Variants in OSBPL10 observed in about 807,000 individuals in gnomAD.
OSBPL10 encodes the protein oxysterol-binding protein-related protein 10.
In OSBPL10, 49 loss-of-function variants were observed where a neutral mutation model predicts 81.7. The ratio of observed to expected loss-of-function variants is 0.60; its 90% confidence interval spans 0.48 to 0.76. The LOEUF is 0.76. Ranked by LOEUF, OSBPL10 falls within the 30% of genes least tolerant of loss-of-function variation. The pLI is 0.00. For missense variants in OSBPL10, 923 were observed against 987.8 expected, an observed-to-expected ratio of 0.93 and a Z score of 0.88; for synonymous variants, 419 against 383.6, an observed-to-expected ratio of 1.09 and a Z score of -1.08.
Position 31,923,656 on chromosome 3 carries a change from G to T in OSBPL10, c.282-43826C>A, listed in dbSNP as rs116615452. On this transcript the variant is annotated intron_variant, in intron 1 of 11. Coordinates refer to ENST00000396556, the MANE Select transcript of OSBPL10 (RefSeq NM_017784.5). ...AATTTTTAAAAATAGCTGATTTGGT[G>T]CACACCTGTAGTCCTACCTACTCAG... Among the ~76,000 whole-genome samples the T allele has an allele frequency of 2.7e-3, 418 of 152,212 alleles. 5 individuals are homozygous for T. The highest frequency in any genetic ancestry group is 9.6e-3 in the African/African-American group (397 of 41,526).
chr3:31,929,311 G>A (rs1276022335), intron 1 of OSBPL10, among the ~76,000 whole-genome samples: 2 of 152,102 alleles, frequency 1.3e-5, no homozygotes, highest in Non-Finnish European at 2.9e-5. Flanking sequence ...CATGGATCTG[G>A]AGATTCCCGT....
At chr3:32,012,887 A>G (rs1346813583) in intron 2 of OSBPL10, among the ~76,000 whole-genome samples, 2 of 152,226 alleles carry the variant, frequency 1.3e-5, no homozygotes, top group Non-Finnish European at 2.9e-5. Flanking sequence ...CAACAAGAAG[A>G]GCTAACTATC....
chr3:31,815,297 C>T (rs1338746487), intron 4 of OSBPL10, among the ~76,000 whole-genome samples: 2 of 152,156 alleles, frequency 1.3e-5, no homozygotes, highest in East Asian at 1.9e-4. Context: ...TCCTGCCACA[C>T]CCAGACCAAA....
At chr3:31,670,295 C>A (rs910756332) in intron 9 of OSBPL10, among the ~76,000 whole-genome samples, 1 of 152,204 alleles carries the variant, frequency 6.6e-6, no homozygotes, top group Non-Finnish European at 1.5e-5. Context: ...ATAGCTGCAG[C>A]AATAAAAACA....
rs901488523 is a variant in OSBPL10, at chr3:31,838,374, G to A, written c.538-8143C>T. ...GAATACAAAAAAATTAGCCGGGCGT[G>A]GTGGCGGCAGCCTGTAGTCCCAGCT... On this transcript the variant is annotated intron_variant, in intron 3 of 11. Coordinates refer to ENST00000396556, the MANE Select transcript of OSBPL10 (RefSeq NM_017784.5). Among the ~76,000 whole-genome samples, 34 of 152,054 alleles carry A rather than the reference G, an allele frequency of 2.2e-4. 1 individual carries two copies. Among genetic ancestry groups the A allele is most frequent in the Admixed American group, 1.3e-4 (2 of 15,256 alleles).
intron 2 of OSBPL10, among the ~76,000 whole-genome samples, chr3:32,015,892 A>G (rs1042719834): frequency 6.6e-6 from 1 of 152,246 alleles, no homozygotes; most frequent in Non-Finnish European, 1.5e-5. Flanking sequence ...CAAAACCACA[A>G]TGAGATACCA....
At chr3:31,827,768 T>C (rs1365879443) in intron 4 of OSBPL10, among the ~76,000 whole-genome samples, 1 of 152,184 alleles carries the variant, frequency 6.6e-6, no homozygotes, top group Non-Finnish European at 1.5e-5. Context: ...GGAGGTACAA[T>C]TGTAGGTAAT....
intron 4 of OSBPL10, among the ~76,000 whole-genome samples, chr3:31,750,097 G>A (rs759522860): frequency 3.3e-5 from 5 of 151,948 alleles, no homozygotes; most frequent in Non-Finnish European, 5.9e-5. Flanking sequence ...TAGGAGAATC[G>A]CTTTAACCCA....
chr3:31,934,288 T>TA (rs1353018417), intron 1 of OSBPL10, among the ~76,000 whole-genome samples: 1 of 150,986 alleles, frequency 6.6e-6, no homozygotes, highest in Non-Finnish European at 1.5e-5. Flanking sequence ...CTGGCCCATT[T>TA]AAAAAACAAC....
intron 4 of OSBPL10, among the ~76,000 whole-genome samples, chr3:31,803,924 T>C (rs2125456377): frequency 6.6e-6 from 1 of 152,342 alleles, no homozygotes; most frequent in East Asian, 1.9e-4. Flanking sequence ...CCATGATCAC[T>C]TGGTTGCGGT....
At chr3:31,809,147 G>A (rs1039320826) in intron 4 of OSBPL10, among the ~76,000 whole-genome samples, 2 of 152,044 alleles carry the variant, frequency 1.3e-5, no homozygotes, top group Admixed American at 1.3e-4. Context: ...AAAAAGAGGA[G>A]GCAAAATGAT....
intron 1 of OSBPL10, among the ~76,000 whole-genome samples, chr3:31,977,179 C>T (rs944686550): frequency 6.6e-6 from 1 of 152,148 alleles, no homozygotes. Flanking sequence ...ACGTCTCAAC[C>T]TCCCAGCCTC....
At chr3:31,966,283 CAT>C (rs1698399978) in intron 1 of OSBPL10, among the ~76,000 whole-genome samples, 1 of 150,140 alleles carries the variant, frequency 6.7e-6, no homozygotes, top group Non-Finnish European at 1.5e-5. Context: ...AGAAATACAA[CAT>C]ATCAAAATGT....
rs138931485 is a variant in OSBPL10 at position 31,872,994 on chromosome 3, A to G, written c.537+3439T>C. Among the ~76,000 whole-genome samples, 777 of 152,320 alleles carry G rather than the reference A, an allele frequency of 5.1e-3. 8 individuals carry two copies. The highest frequency in any genetic ancestry group is 0.018 in the African/African-American group (741 of 41,570). ...TATAATTCTACCTATAGAACATTCT[A>G]GAAAAAGCAGAACTATAAATAGGAA... On this transcript the variant is annotated intron_variant, in intron 3 of 11. Transcript: ENST00000396556.
chr3:31,926,288 T>TCCCCCCCC (rs1034706033), intron 1 of OSBPL10, among the ~76,000 whole-genome samples: 13 of 88,144 alleles, frequency 1.5e-4, no homozygotes, highest in South Asian at 5.1e-4. Context: ...TGGGTGATTT[T>TCCCCCCCC]GCCCCCCCAG....
rs536709201 is a variant in OSBPL10 at position 31,757,251 on chromosome 3, A to C, written c.730-9131T>G. Among the ~76,000 whole-genome samples, 3 of 152,332 alleles carry C rather than the reference A, an allele frequency of 2.0e-5. No homozygotes were observed. The East Asian group carries it at 5.8e-4, about 29-fold the overall frequency. ...GGTTCTCTATAAAGGGAATCAAGAT[A>C]AATAAGATCTTGAGGGTGGTCCCTA... is the stretch of plus-strand genomic sequence containing the variant. On this transcript the variant is annotated intron_variant, in intron 4 of 11. Transcript: ENST00000396556.
At chr3:31,847,259 C>T (rs1230331708) in intron 3 of OSBPL10, among the ~76,000 whole-genome samples, 1 of 151,348 alleles carries the variant, frequency 6.6e-6, no homozygotes, top group Non-Finnish European at 1.5e-5. Context: ...TACAGTGGCA[C>T]AATCTCGGCT....
chr3:32,069,600 G>A (rs1264625439), intron 1 of OSBPL10, among the ~76,000 whole-genome samples: 1 of 152,142 alleles, frequency 6.6e-6, no homozygotes, highest in African/African-American at 2.4e-5. Context: ...TTCTTAACAT[G>A]CATTTTATCA....
At chr3:31,942,644 A>G (rs1005735200) in intron 1 of OSBPL10, among the ~76,000 whole-genome samples, 1 of 151,732 alleles carries the variant, frequency 6.6e-6, no homozygotes, top group African/African-American at 2.4e-5. Flanking sequence ...TGAGCCTGGC[A>G]TCTGAAACCT....
Sources: allele counts gnomAD v4.1 joint callset (sites outside exome capture counted in the v4.1 genomes callset), GRCh38; gene constraint gnomAD v4.1.1; transcripts MANE v1.5; gene names NCBI Gene and HGNC (gene_info 2026-07-23, HGNC 2026-07-21).